The following OR8G1 variants were observed in gnomAD, a reference collection of about 807,000 sequenced individuals.
OR8G1 encodes olfactory receptor 8G1.
For missense variants in OR8G1, 372 were observed against 356.2 expected (o/e 1.04, Z -0.36); for synonymous variants, 129 against 133.3 (o/e 0.97, Z 0.22).
rs1453466360 is a variant in OR8G1, at chr11:124,252,694, A to G, written c.*2083A>G. ...ACTACCTCCTGTTTCTCATTTCAGC[A>G]GACTTGAGGCACATTTATTAGCTGT... On this transcript the variant is annotated 3_prime_UTR_variant, in exon 3 of 3. Transcript: ENST00000641972. 1 of 152,192 alleles carries G rather than the reference A, an allele frequency of 6.6e-6. No homozygotes were observed. The allele number at this position is 152,192 out of a possible 1,614,324, so 9.4% of individuals were successfully genotyped here.
chr11:124,253,083 C>T lies in OR8G1; in HGVS notation c.*2472C>T, dbSNP rs370834664. ...TTTGTAAACATTACTAAAAAATTAA[C>T]AGCTTAAATGAAGATAAAACAATAA... is the stretch of plus-strand genomic sequence containing the variant. On this transcript the variant is annotated 3_prime_UTR_variant, in exon 3 of 3. Transcript: ENST00000641972. The T allele has an allele frequency of 3.3e-5, 5 of 152,258 alleles. No individual in the cohort carries two copies. The East Asian group carries it at 7.7e-4, about 23-fold the overall frequency. 9.4% of individuals were successfully genotyped at this position (152,258 alleles called of 1,614,324 possible).
In OR8G1 at chr11:124,250,660, A is replaced by T. The variant is rs1861863142; in HGVS notation, c.*49A>T. The T allele has an allele frequency of 2.4e-6, 1 of 416,724 alleles. No homozygotes were observed. Among genetic ancestry groups the T allele is most frequent in the Admixed American group, 4.5e-5 (1 of 22,418 alleles). The allele number at this position is 416,724 out of a possible 1,614,324, so 25.8% of individuals were successfully genotyped here. ...TATTAATCCTAAGTAGTGGACTGTT[A>T]CATTGTATGAATGGATGTCTTTCAC... On this transcript the variant is annotated 3_prime_UTR_variant, in exon 3 of 3. Coordinates refer to ENST00000641972, the MANE Select transcript of OR8G1 (RefSeq NM_001002905.2).
rs1229432151 is a variant in OR8G1 at position 124,253,878 on chromosome 11, A to G, written c.*3267A>G. On this transcript the variant is annotated 3_prime_UTR_variant, in exon 3 of 3. Transcript: ENST00000641972. Reference sequence around the variant, plus strand: ...TACAGGTTCATCTGTATTGTTGCAAATTTTTAAATCTAAATATTATTCCAT... The same window carrying G: ...TACAGGTTCATCTGTATTGTTGCAAGTTTTTAAATCTAAATATTATTCCAT... 1.3e-5 allele frequency: 2 copies of G among 152,024 alleles called. No homozygotes were observed. The highest frequency in any genetic ancestry group is 2.4e-5 in the African/African-American group (1 of 41,372). The allele number at this position is 152,024 out of a possible 1,614,324, so 9.4% of individuals were successfully genotyped here. A position where few individuals can be genotyped will look rare whatever the true frequency, so the allele number is the denominator to read the frequency against.
At chr11:124,249,239 A>C (rs1861839795) in intron 2 of OR8G1, among the ~76,000 whole-genome samples, 1 of 152,104 alleles carries the variant, frequency 6.6e-6, no homozygotes, top group Admixed American at 6.6e-5. Context: ...GAAAAATCTG[A>C]CAGTAATATC....
rs1273280590 is a variant in OR8G1 at position 124,250,703 on chromosome 11, T to A, written c.*92T>A. On this transcript the variant is annotated 3_prime_UTR_variant, in exon 3 of 3. Transcript: ENST00000641972. ...TCTTTCACTTTAATGCATCTGTCAATAATTTTTACCATTTGGTGAGATTAT... is the reference window on the plus strand; with the variant it reads ...TCTTTCACTTTAATGCATCTGTCAAAAATTTTTACCATTTGGTGAGATTAT... 7 of 414,092 alleles carry A rather than the reference T, an allele frequency of 1.7e-5. 2 individuals carry two copies. The highest frequency in any genetic ancestry group is 1.3e-3 in the Middle Eastern group (2 of 1,528). 25.7% of individuals were successfully genotyped at this position (414,092 alleles called of 1,614,324 possible).
Position 124,241,147 on chromosome 11 carries a change from C to G in OR8G1, c.-314C>G, listed in dbSNP as rs1248401908. 6.6e-6 allele frequency: 1 copy of G among 152,130 alleles called. No individual in the cohort carries two copies. 9.4% of individuals were successfully genotyped at this position (152,130 alleles called of 1,614,324 possible). On this transcript the variant is annotated 5_prime_UTR_variant, in exon 1 of 3. Coordinates refer to ENST00000641972, the MANE Select transcript of OR8G1 (RefSeq NM_001002905.2). ...AACTGCAAAGTCATAATTAGAAATA[C>G]TGACCTGTGATGCAGACCAGCTTCA...
chr11:124,249,167 T>C (rs2466703), intron 2 of OR8G1, among the ~76,000 whole-genome samples: 77,670 of 151,932 alleles, frequency 0.51, 20,494 homozygotes, highest in South Asian at 0.7. Flanking sequence ...ATAGTAATAA[T>C]ATTTTAAAAT....
intron 1 of OR8G1, among the ~76,000 whole-genome samples, chr11:124,242,635 G>A (rs1032757073): frequency 6.6e-6 from 1 of 151,936 alleles, no homozygotes; most frequent in African/African-American, 2.4e-5. Context: ...TCATAGTCTA[G>A]CCATTATTTT....
At chr11:124,242,247 C>G (rs926175628) in intron 1 of OR8G1, among the ~76,000 whole-genome samples, 1 of 152,010 alleles carries the variant, frequency 6.6e-6, no homozygotes. Flanking sequence ...CACTAATTAT[C>G]TCATTGCCTG....
intron 1 of OR8G1, among the ~76,000 whole-genome samples, chr11:124,243,208 T>TTAGCTGGCTTTGGTCACTACTGGCTTTGG (rs1861776560): frequency 2.0e-5 from 3 of 151,960 alleles, no homozygotes; most frequent in Admixed American, 2.0e-4. Context: ...GGTCAGACCT[T>TTAGCTGGCTTTGGTCACTACTGGCTTTGG]TTATTGCTAC....
intron 1 of OR8G1, among the ~76,000 whole-genome samples, chr11:124,246,043 T>G (rs10790656): frequency 0.47 from 61,441 of 130,590 alleles, 15,164 homozygotes; most frequent in South Asian, 0.64. Flanking sequence ...GTCAATTTTG[T>G]CTTTTGTTGT....
At chr11:124,246,915 G>A (rs1861817018) in intron 1 of OR8G1, among the ~76,000 whole-genome samples, 1 of 148,860 alleles carries the variant, frequency 6.7e-6, no homozygotes, top group Admixed American at 6.7e-5. Flanking sequence ...ATTCACTTCT[G>A]TATAATCCTT....
In OR8G1 at chr11:124,249,984, C is replaced by A. The variant is rs1324258604; in HGVS notation, c.309C>A (p.Phe103Leu). 3.1e-6 allele frequency: 5 copies of A among 1,613,928 alleles called. No individual in the cohort carries two copies. The highest frequency in any genetic ancestry group is 1.6e-4 in the Middle Eastern group (1 of 6,062). Residue 103 changes from phenylalanine (F) to leucine (L), a missense_variant, in exon 3 of 3, where the codon TTC becomes TTA. By Grantham distance (22) the Phe-to-Leu change is conservative. Coordinates refer to ENST00000641972, the MANE Select transcript of OR8G1 (RefSeq NM_001002905.2). ...SYPECMTQLYFFLVFAIAECH... is the reference protein window; with the variant it reads ...SYPECMTQLYLFLVFAIAECH... ...CTGAATGCATGACTCAGCTCTACTT[C>A]TTCCTCGTTTTTGCTATTGCAGAGT...
In OR8G1 at chr11:124,250,074, T is replaced by A; in HGVS notation, c.399T>A (p.Ser133Arg). The A allele has an allele frequency of 6.2e-7, 1 of 1,613,526 alleles. No individual in the cohort carries two copies. Among genetic ancestry groups the A allele is most frequent in the Non-Finnish European group, 8.5e-7 (1 of 1,179,768 alleles). Residue 133 changes from serine to arginine, a missense_variant, in exon 3 of 3, where the codon AGT (serine) becomes AGA (arginine). Transcript: ENST00000641972. ...CCATCTGTAGCCCCTTGCTGTACAG[T>A]GTCATCATATCCAATAAGGCTTGCT... The part of the protein sequence containing the change: ...YMAICSPLLY[S>R]VIISNKACFS...
rs957451288 is a variant in OR8G1 at position 124,249,850 on chromosome 11, A to G, written c.175A>G (p.Met59Val). Residue 59 changes from methionine (M) to valine (V), a missense_variant, in exon 3 of 3, where the codon ATG becomes GTG. Physicochemically the swap from Met to Val is conservative, Grantham distance 21. Coordinates refer to ENST00000641972, the MANE Select transcript of OR8G1 (RefSeq NM_001002905.2). ...GCTCAGTTCTCACCTGCACACCCCT[A>G]TGTACTATTTCCTCAGCAGTCTGTC... Reference protein sequence around the residue: ...IWLSSHLHTPMYYFLSSLSFI... With the variant: ...IWLSSHLHTPVYYFLSSLSFI... The G allele has an allele frequency of 3.7e-6, 6 of 1,613,792 alleles. No homozygotes were observed. In the African/African-American group the frequency reaches 8.0e-5, roughly 22 times the overall value.
intron 2 of OR8G1, among the ~76,000 whole-genome samples, chr11:124,248,402 C>T (rs923762190): frequency 1.1e-4 from 16 of 149,922 alleles, no homozygotes; most frequent in African/African-American, 3.9e-4. Flanking sequence ...TTATGTGTGT[C>T]TGTGTGTGTG....
chr11:124,243,838 G>A (rs1486017722), intron 1 of OR8G1, among the ~76,000 whole-genome samples: 2 of 151,884 alleles, frequency 1.3e-5, no homozygotes, highest in African/African-American at 2.4e-5. Context: ...ATAAAAGAGC[G>A]AGCTAGAATA....
At chr11:124,242,942 A>G (rs2512267) in intron 1 of OR8G1, among the ~76,000 whole-genome samples, 22,170 of 151,898 alleles carry the variant, frequency 0.15, 1,716 homozygotes, top group African/African-American at 0.2. Flanking sequence ...TTGTTAACCA[A>G]AGGGTGTGTG....
At chr11:124,243,984 G>T (rs1861785626) in intron 1 of OR8G1, among the ~76,000 whole-genome samples, 2 of 151,036 alleles carry the variant, frequency 1.3e-5, no homozygotes, top group Admixed American at 1.3e-4. Flanking sequence ...AAAGGATGGA[G>T]AGAGGGAGAG....
Sources: gnomAD v4.1 joint callset for allele counts (sites outside exome capture counted in the v4.1 genomes callset) on GRCh38, gnomAD v4.1.1 for gene constraint, MANE v1.5 for transcripts, NCBI Gene and HGNC (gene_info 2026-07-23, HGNC 2026-07-21) for gene names.